Variants in PCDHA3 observed in about 807,000 individuals in gnomAD.
PCDHA3 encodes protocadherin alpha 3, also known as protocadherin alpha-3.
In PCDHA3, 41 loss-of-function variants were observed where a neutral mutation model predicts 62.2. That is an observed-to-expected ratio of 0.66 (90% CI 0.51 to 0.86). The LOEUF (loss-of-function observed/expected upper bound fraction) is 0.86, where lower values mean the gene tolerates loss of function less well. Among genes scored for constraint, PCDHA3 ranks in the 40% least tolerant of loss-of-function variants. PCDHA3 has a pLI of 0.00. For missense variants in PCDHA3, 1,304 were observed against 1,241.2 expected, an observed-to-expected ratio of 1.05 and a Z score of -0.76; for synonymous variants, 640 against 555.4, an observed-to-expected ratio of 1.15 and a Z score of -2.14.
At chr5:140,827,423 T>G (rs1417944566) in intron 1 of PCDHA3, among the ~76,000 whole-genome samples, 1 of 152,238 alleles carries the variant, frequency 6.6e-6, no homozygotes, top group African/African-American at 2.4e-5. Context: ...CTCTAGAATT[T>G]TATCTTCCAT....
intron 1 of PCDHA3, chr5:140,809,128 A>G (rs1554125019): frequency 3.1e-6 from 5 of 1,613,956 alleles, no homozygotes; most frequent in Middle Eastern, 1.6e-4. Context: ...GCCACCGCCT[A>G]CTGGTACTGG....
rs2150258870 is a variant in PCDHA3, at chr5:140,836,371, C to G, written c.2394+32780C>G. On this transcript the variant is annotated intron_variant, in intron 1 of 3. Transcript: ENST00000522353. Reference sequence around the variant, plus strand: ...GGGGAGCCCTCGCTGACAGCCACAGCCACCGTGCTGGTGTCGCTGGTGGAA... The same window carrying G: ...GGGGAGCCCTCGCTGACAGCCACAGGCACCGTGCTGGTGTCGCTGGTGGAA... The G allele has an allele frequency of 3.1e-3, 4,936 of 1,613,708 alleles. 180 individuals are homozygous for G. The African/African-American group carries it at 0.055, about 18-fold the overall frequency.
rs781945067 is a variant in PCDHA3, at chr5:140,809,603, T to C, written c.2394+6012T>C. ...TGTATAACATCCTTTTGTTTAATTT[T>C]CGTATTGTTTTTCTCTATCAACTTC... On this transcript the variant is annotated intron_variant, in intron 1 of 3. Coordinates refer to ENST00000522353, the MANE Select transcript of PCDHA3 (RefSeq NM_018906.3). The C allele has an allele frequency of 4.1e-5, 63 of 1,528,056 alleles. 1 individual carries two copies. In the Admixed American group the frequency reaches 1.3e-3, roughly 32 times the overall value. 94.7% of individuals were successfully genotyped at this position (1,528,056 alleles called of 1,614,324 possible).
intron 1 of PCDHA3, among the ~76,000 whole-genome samples, chr5:140,944,623 T>G (rs535315515): frequency 2.0e-5 from 3 of 152,202 alleles, no homozygotes; most frequent in Non-Finnish European, 4.4e-5. Flanking sequence ...AGAAGTATAG[T>G]GTTGTAAGCC....
chr5:140,884,521 G>C (rs569278761), intron 1 of PCDHA3: 1 of 1,614,196 alleles, frequency 6.2e-7, no homozygotes, highest in African/African-American at 1.3e-5. Context: ...GGTCGTACTC[G>C]CAGCAGAGGC....
chr5:140,868,946 G>C, intron 1 of PCDHA3: 1 of 1,292,216 alleles, frequency 7.7e-7, no homozygotes, highest in Non-Finnish European at 1.1e-6. Flanking sequence ...TCTGAACAGT[G>C]AGGCACTCCC....
intron 3 of PCDHA3, among the ~76,000 whole-genome samples, chr5:140,988,127 C>T (rs1285717954): frequency 2.0e-5 from 3 of 152,120 alleles, no homozygotes; most frequent in African/African-American, 7.2e-5. Flanking sequence ...GCATGCTGTT[C>T]CACTAACCTG....
chr5:141,008,286 A>G (rs944894226), intron 3 of PCDHA3, among the ~76,000 whole-genome samples: 1 of 152,248 alleles, frequency 6.6e-6, no homozygotes, highest in Admixed American at 6.5e-5. Flanking sequence ...TTGAAATAGC[A>G]GTTGTACCCA....
chr5:141,010,274 T>C lies in PCDHA3; in HGVS notation c.*337T>C, dbSNP rs1554262865. On this transcript the variant is annotated 3_prime_UTR_variant, in exon 4 of 4. Coordinates refer to ENST00000522353, the MANE Select transcript of PCDHA3 (RefSeq NM_018906.3). ...TCTGCCCTGTGCTCCGGGGATCCTG[T>C]CTTGATGACACTTGCAGGGCAGGCT... is the stretch of plus-strand genomic sequence containing the variant. The C allele has an allele frequency of 6.4e-7, 1 of 1,551,424 alleles. No homozygotes were observed. Among genetic ancestry groups the C allele is most frequent in the Admixed American group, 2.0e-5 (1 of 50,930 alleles).
intron 1 of PCDHA3, among the ~76,000 whole-genome samples, chr5:140,874,530 G>A (rs1332198120): frequency 1.3e-5 from 2 of 152,200 alleles, no homozygotes; most frequent in Admixed American, 1.3e-4. Flanking sequence ...ATGAGATTAG[G>A]CTCCAAAACC....
chr5:140,824,068 A>G (rs2150131929), intron 1 of PCDHA3: 12 of 1,614,024 alleles, frequency 7.4e-6, no homozygotes, highest in Non-Finnish European at 1.0e-5. Context: ...AGCTCCACCC[A>G]AAACAGACCT....
intron 1 of PCDHA3, chr5:140,807,153 G>T: frequency 1.3e-6 from 2 of 1,581,412 alleles, no homozygotes; most frequent in Non-Finnish European, 1.7e-6. Flanking sequence ...TTTGAGAAAC[G>T]ATATTTAATC....
chr5:140,847,280 A>T (rs2150398686), intron 1 of PCDHA3, among the ~76,000 whole-genome samples: 1 of 149,896 alleles, frequency 6.7e-6, no homozygotes, highest in Non-Finnish European at 1.5e-5. Context: ...TTGAACGGGA[A>T]GACAAACTCA....
rs2098421123 is a variant in PCDHA3, at chr5:141,011,585, A to G, written c.*1648A>G. 6.5e-6 allele frequency: 1 copy of G among 153,746 alleles called. No individual in the cohort carries two copies. The highest frequency in any genetic ancestry group is 1.5e-5 in the Non-Finnish European group (1 of 68,036). 9.5% of individuals were successfully genotyped at this position (153,746 alleles called of 1,614,324 possible). ...TAAAATTTCTTTCTTAAATCAAGAT[A>G]CTGGTGATTCAAGGAATTTTATTTA... On this transcript the variant is annotated 3_prime_UTR_variant, in exon 4 of 4. Coordinates refer to ENST00000522353, the MANE Select transcript of PCDHA3 (RefSeq NM_018906.3).
At chr5:140,829,858 A>C (rs2150176347) in intron 1 of PCDHA3, 8 of 1,613,912 alleles carry the variant, frequency 5.0e-6, no homozygotes, top group Admixed American at 1.7e-5. Flanking sequence ...GTGCAGGCCA[A>C]GTGGTGGCGA....
intron 1 of PCDHA3, chr5:140,868,213 A>G (rs1296985055): frequency 6.6e-6 from 1 of 152,200 alleles, no homozygotes; most frequent in Non-Finnish European, 1.5e-5. Flanking sequence ...GAAATAATAT[A>G]TGTCAAATAA....
intron 1 of PCDHA3, chr5:140,835,500 A>C: frequency 6.2e-7 from 1 of 1,613,942 alleles, no homozygotes; most frequent in Non-Finnish European, 8.5e-7. Flanking sequence ...CACATTGATT[A>C]GCGTGTTTGA....
chr5:140,822,964 G>A, intron 1 of PCDHA3: 3 of 1,614,232 alleles, frequency 1.9e-6, no homozygotes, highest in Non-Finnish European at 2.5e-6. Flanking sequence ...CTTCAAGCTG[G>A]TGTCCACCTT....
intron 1 of PCDHA3, among the ~76,000 whole-genome samples, chr5:140,951,140 C>G (rs1322025119): frequency 9.9e-6 from 1 of 100,842 alleles, no homozygotes; most frequent in Non-Finnish European, 2.0e-5. Context: ...TTTCCTTTAT[C>G]TTATTGAATA....
Sources: gnomAD v4.1 joint callset for allele counts (sites outside exome capture counted in the v4.1 genomes callset) on GRCh38, gnomAD v4.1.1 for gene constraint, MANE v1.5 for transcripts, NCBI Gene and HGNC (gene_info 2026-07-23, HGNC 2026-07-21) for gene names.